The following EXOC2 variants were observed in gnomAD, a reference collection of about 807,000 sequenced individuals.
The protein encoded by EXOC2 is exocyst complex component 2.
A neutral mutation model predicts 131.8 loss-of-function variants in EXOC2; 70 were observed. The ratio of observed to expected loss-of-function variants is 0.53; its 90% CI spans 0.44 to 0.65. The LOEUF (loss-of-function observed/expected upper bound fraction) is 0.65. EXOC2 is among the 30% of genes least tolerant of loss of function. EXOC2 has a pLI of 0.00. For synonymous variants in EXOC2, 411 were observed against 398.4 expected (o/e 1.03, Z -0.38); for missense variants, 923 against 1,108.6 (o/e 0.83, Z 2.38).
chr6:607,945 A>G (rs1460184877), intron 7 of EXOC2, among the ~76,000 whole-genome samples: 1 of 152,232 alleles, frequency 6.6e-6, no homozygotes, highest in African/African-American at 2.4e-5. Flanking sequence ...TATCCTTTAG[A>G]AACTTAGCTT....
chr6:489,835 G>A (rs755586856), intron 26 of EXOC2, among the ~76,000 whole-genome samples: 1 of 151,720 alleles, frequency 6.6e-6, no homozygotes, highest in Non-Finnish European at 1.5e-5. Flanking sequence ...ATACGTTTTT[G>A]AGCAATATTC....
Position 497,475 on chromosome 6 carries a change from G to A in EXOC2, c.2451C>T (p.Ser817=). Residue 817 remains serine, a synonymous_variant, in exon 25 of 28, where the codon TCC becomes TCT. Coordinates refer to ENST00000230449, the MANE Select transcript of EXOC2 (RefSeq NM_018303.6). The stretch of plus-strand genomic sequence containing the variant: ...ATAGTACCCGAGGGACCAGTTCTTT[G>A]GAAATGGTGAACACCTGGTTTGAAA... ...IAVHAEVFTI[S]KELVPRVLSK... is the part of the protein sequence containing the mutation. The A allele has an allele frequency of 6.2e-7, 1 of 1,610,952 alleles. No individual in the cohort carries two copies. Among genetic ancestry groups the A allele is most frequent in the Non-Finnish European group, 8.5e-7 (1 of 1,178,670 alleles).
chr6:499,209 G>A (rs115141760), intron 24 of EXOC2, among the ~76,000 whole-genome samples: 5 of 152,268 alleles, frequency 3.3e-5, no homozygotes, highest in Non-Finnish European at 7.4e-5. Context: ...TTTCTAAGCA[G>A]TGTCTGCCTT....
At chr6:537,917 A>G (rs1561831320) in intron 22 of EXOC2, among the ~76,000 whole-genome samples, 1 of 152,248 alleles carries the variant, frequency 6.6e-6, no homozygotes, top group Non-Finnish European at 1.5e-5. Context: ...GTTGCTGAGA[A>G]GGGAGCCTAC....
intron 1 of EXOC2, among the ~76,000 whole-genome samples, chr6:648,714 CTCTT>C (rs777720023): frequency 3.9e-4 from 45 of 115,560 alleles, no homozygotes; most frequent in Middle Eastern, 5.4e-3. Context: ...CTTTTAAAAA[CTCTT>C]TTTTTTTTTT....
chr6:648,456 T>C (rs925235250), intron 1 of EXOC2, among the ~76,000 whole-genome samples: 1 of 152,216 alleles, frequency 6.6e-6, no homozygotes, highest in African/African-American at 2.4e-5. Context: ...ACAGTTGTCA[T>C]TGTCTACAAA....
At chr6:489,740 T>G (rs1303288128) in intron 26 of EXOC2, among the ~76,000 whole-genome samples, 1 of 152,222 alleles carries the variant, frequency 6.6e-6, no homozygotes, top group Admixed American at 6.5e-5. Context: ...CTCTTATGAT[T>G]GGTTAAGGTG....
chr6:619,784 A>G (rs1004595980), intron 4 of EXOC2, among the ~76,000 whole-genome samples: 2 of 152,224 alleles, frequency 1.3e-5, no homozygotes, highest in Admixed American at 6.5e-5. Context: ...TAGTTGAAAT[A>G]CAGAAATTAC....
At chr6:641,211 G>T (rs1561960045) in intron 1 of EXOC2, among the ~76,000 whole-genome samples, 2 of 152,146 alleles carry the variant, frequency 1.3e-5, no homozygotes, top group Non-Finnish European at 2.9e-5. Context: ...GGACCACCAA[G>T]AAATGGCAGA....
chr6:659,201 C>A (rs557370963), intron 1 of EXOC2, among the ~76,000 whole-genome samples: 1 of 152,104 alleles, frequency 6.6e-6, no homozygotes, highest in African/African-American at 2.4e-5. Context: ...AAGTTTATGT[C>A]ATTTATTTAA....
intron 4 of EXOC2, 139 bp downstream of exon 4, chr6:629,696 A>T (rs1248349489): frequency 1.5e-5 from 15 of 991,418 alleles, no homozygotes; most frequent in Non-Finnish European, 1.9e-5. Flanking sequence ...TTCATAAATA[A>T]CACCCATCTC....
intron 10 of EXOC2, among the ~76,000 whole-genome samples, chr6:595,097 G>T (rs968095637): frequency 1.3e-5 from 2 of 152,042 alleles, no homozygotes; most frequent in East Asian, 3.8e-4. Flanking sequence ...GGAATATGCA[G>T]AGCTTTGCTT....
At chr6:505,238 A>G (rs900355391) in intron 23 of EXOC2, among the ~76,000 whole-genome samples, 2 of 152,200 alleles carry the variant, frequency 1.3e-5, no homozygotes, top group Non-Finnish European at 2.9e-5. Context: ...GGTTTCATAC[A>G]TAGTCCTTGG....
chr6:647,217 T>A (rs1762612925), intron 1 of EXOC2, among the ~76,000 whole-genome samples: 1 of 152,116 alleles, frequency 6.6e-6, no homozygotes, highest in Admixed American at 6.5e-5. Flanking sequence ...CTAGATCACA[T>A]AAAGAACCAA....
chr6:556,128 T>A, intron 18 of EXOC2, 115 bp from the exon 19 acceptor site: 1 of 955,574 alleles, frequency 1.0e-6, no homozygotes, highest in Non-Finnish European at 1.6e-6. Context: ...GTGGTGCCCT[T>A]CCTATAAAAG....
chr6:500,417 C>G (rs1763977688), intron 23 of EXOC2, among the ~76,000 whole-genome samples: 1 of 152,208 alleles, frequency 6.6e-6, no homozygotes. Flanking sequence ...TGAGGTCTGA[C>G]TATTGGGGAC....
At chr6:496,188 G>T (rs1328163545) in intron 25 of EXOC2, among the ~76,000 whole-genome samples, 1 of 152,094 alleles carries the variant, frequency 6.6e-6, no homozygotes, top group Non-Finnish European at 1.5e-5. Context: ...CATCTTAAGG[G>T]TGGCTTCAGG....
At chr6:678,265 A>G (rs1011783269) in intron 1 of EXOC2, among the ~76,000 whole-genome samples, 7 of 152,224 alleles carry the variant, frequency 4.6e-5, no homozygotes, top group African/African-American at 1.7e-4. Context: ...AATCCTAACT[A>G]TATGATTTAT....
chr6:520,598 G>A (rs1469189117), intron 23 of EXOC2, among the ~76,000 whole-genome samples: 1 of 10,598 alleles, frequency 9.4e-5, no homozygotes, highest in African/African-American at 3.5e-4. Flanking sequence ...GACACTCGCC[G>A]TCCACACTCG....
Sources: allele counts gnomAD v4.1 joint callset (sites outside exome capture counted in the v4.1 genomes callset), GRCh38; gene constraint gnomAD v4.1.1; transcripts MANE v1.5; gene names NCBI Gene and HGNC (gene_info 2026-07-23, HGNC 2026-07-21).